Variants in CPED1 observed in about 807,000 individuals in gnomAD.
CPED1 encodes the protein cadherin like and PC-esterase domain containing 1.
Under a neutral mutation model 128.2 loss-of-function variants are expected in CPED1, and 114 were observed. That is an observed-to-expected ratio of 0.89 (90% CI 0.76 to 1.04). The LOEUF (loss-of-function observed/expected upper bound fraction) is 1.04. Ranked by LOEUF, CPED1 falls within the 50% of genes least tolerant of loss-of-function variation. CPED1 has a pLI of 0.00. For missense variants in CPED1, 1,211 were observed against 1,207.1 expected (o/e 1.00, Z -0.05); for synonymous variants, 462 against 426.7 (o/e 1.08, Z -1.02).
chr7:121,228,544 T>C lies in CPED1; in HGVS notation c.2056-8170T>C, dbSNP rs143106244. Among the ~76,000 whole-genome samples, 1,169 of 138,196 alleles carry C rather than the reference T, an allele frequency of 8.5e-3. 13 individuals are homozygous for C. Among genetic ancestry groups the C allele is most frequent in the South Asian group, 0.02 (89 of 4,452 alleles). The allele number at this position is 138,196 out of a possible 152,430, so 90.7% of individuals were successfully genotyped here. ...CTCTTATACACTCTTGGTGGGAATA[T>C]AAACTAGTACTGCTACTATGGACAA... is the stretch of plus-strand genomic sequence containing the variant. On this transcript the variant is annotated intron_variant, in intron 16 of 22. Coordinates refer to ENST00000310396, the MANE Select transcript of CPED1 (RefSeq NM_024913.5).
At chr7:121,254,631 CA>C (rs1798762945) in intron 18 of CPED1, among the ~76,000 whole-genome samples, 2 of 151,574 alleles carry the variant, frequency 1.3e-5, no homozygotes, top group South Asian at 4.2e-4. Context: ...GTCGGTTCTT[CA>C]AAAAGATAAG....
intron 16 of CPED1, among the ~76,000 whole-genome samples, chr7:121,228,849 G>T (rs1798076917): frequency 6.6e-6 from 1 of 151,970 alleles, no homozygotes; most frequent in Non-Finnish European, 1.5e-5. Flanking sequence ...GGAACTGGAG[G>T]TTATTATCTT....
chr7:121,293,117 C>A (rs1390363173), intron 22 of CPED1, among the ~76,000 whole-genome samples: 1 of 152,150 alleles, frequency 6.6e-6, no homozygotes, highest in Non-Finnish European at 1.5e-5. Context: ...AAGCTGCAAC[C>A]ACAGCTGCCC....
At chr7:121,126,683 A>G (rs1434118833) in intron 9 of CPED1, among the ~76,000 whole-genome samples, 1 of 152,098 alleles carries the variant, frequency 6.6e-6, no homozygotes, top group Non-Finnish European at 1.5e-5. Context: ...TTCTCCATAA[A>G]AATTTAAAAC....
chr7:121,047,095 A>G, intron 4 of CPED1, 102 bp downstream of exon 4: 1 of 677,772 alleles, frequency 1.5e-6, no homozygotes, highest in Middle Eastern at 2.5e-4. Context: ...AATTAGAGTC[A>G]TTGTATCTAT....
At chr7:121,160,996 TAAATC>T (rs1036942041) in intron 16 of CPED1, among the ~76,000 whole-genome samples, 13 of 152,138 alleles carry the variant, frequency 8.5e-5, no homozygotes, top group Non-Finnish European at 1.0e-4. Flanking sequence ...TCTCCCACCT[TAAATC>T]AAAAGGAAAA....
At position 121,136,059 on chromosome 7, in the gene CPED1, A is replaced by G. The variant is rs1367206480; in HGVS notation, c.1668A>G (p.Lys556=). ...TTTTAGCTGCAGTTCCACAAATTAA[A>G]AATGAAAATAAAGAAATACATTGCA... is the stretch of plus-strand genomic sequence containing the variant. ...ENKKAAVPQI[K]NENKEIHCSD... The change falls in exon 14 of 23, where the codon AAA becomes AAG. Residue 556 remains lysine (K), a synonymous_variant. Transcript: ENST00000310396. 1 of 1,545,862 alleles carries G rather than the reference A, an allele frequency of 6.5e-7. No individual in the cohort carries two copies. Among genetic ancestry groups the G allele is most frequent in the Non-Finnish European group, 8.7e-7 (1 of 1,154,858 alleles).
At chr7:121,059,226 T>C (rs1473718362) in intron 4 of CPED1, among the ~76,000 whole-genome samples, 1 of 152,190 alleles carries the variant, frequency 6.6e-6, no homozygotes, top group Non-Finnish European at 1.5e-5. Context: ...GATGCTGTTC[T>C]TAGTACATAG....
In CPED1 at chr7:121,224,590, A is replaced by G. The variant is rs1758589554; in HGVS notation, c.2056-12124A>G. The stretch of plus-strand genomic sequence containing the variant: ...AGTCTCCCATTATAATGGTATGGAA[A>G]TCTAAGTCTCTTTGTAGGTCACTAA... On this transcript the variant is annotated intron_variant, in intron 16 of 22. Coordinates refer to ENST00000310396, the MANE Select transcript of CPED1 (RefSeq NM_024913.5). Among the ~76,000 whole-genome samples, 3 of 152,064 alleles carry G rather than the reference A, an allele frequency of 2.0e-5. No individual in the cohort carries two copies. The South Asian group carries it at 6.2e-4, about 32-fold the overall frequency.
At chr7:121,097,171 G>C (rs191056184) in intron 5 of CPED1, among the ~76,000 whole-genome samples, 2 of 151,922 alleles carry the variant, frequency 1.3e-5, no homozygotes, top group Admixed American at 6.6e-5. Flanking sequence ...CATTATTATT[G>C]TTCTTTATTT....
chr7:121,074,979 A>G (rs1794085786), intron 5 of CPED1, among the ~76,000 whole-genome samples: 2 of 152,102 alleles, frequency 1.3e-5, no homozygotes, highest in African/African-American at 4.8e-5. Context: ...GGATTCATTT[A>G]TTTTAAAATG....
At chr7:121,091,975 A>G (rs1381308753) in intron 5 of CPED1, among the ~76,000 whole-genome samples, 1 of 152,176 alleles carries the variant, frequency 6.6e-6, no homozygotes, top group Non-Finnish European at 1.5e-5. Flanking sequence ...GGTAAAACAA[A>G]TGAACCCTAG....
intron 16 of CPED1, among the ~76,000 whole-genome samples, chr7:121,197,911 CA>C (rs962643606): frequency 6.6e-6 from 1 of 152,070 alleles, no homozygotes; most frequent in Non-Finnish European, 1.5e-5. Context: ...TAGATGAAAC[CA>C]AATTGTAAAC....
intron 4 of CPED1, among the ~76,000 whole-genome samples, chr7:121,055,961 G>T (rs1793489501): frequency 6.6e-6 from 1 of 151,846 alleles, no homozygotes; most frequent in Non-Finnish European, 1.5e-5. Flanking sequence ...ATTCTTTCTG[G>T]TCAGAGGATT....
chr7:121,158,707 A>G (rs1250114971), intron 16 of CPED1, among the ~76,000 whole-genome samples: 1 of 152,150 alleles, frequency 6.6e-6, no homozygotes, highest in Non-Finnish European at 1.5e-5. Context: ...GATATGGAAT[A>G]TTAACCATCT....
intron 16 of CPED1, among the ~76,000 whole-genome samples, chr7:121,184,854 G>A (rs1398194689): frequency 6.6e-6 from 1 of 152,118 alleles, no homozygotes; most frequent in African/African-American, 2.4e-5. Flanking sequence ...CAAACCTAGA[G>A]AAGGGAACAA....
chr7:121,236,714 G>T lies in CPED1; in HGVS notation c.2056G>T (p.Asp686Tyr), dbSNP rs1393738517. The change falls in exon 17 of 23, where the codon GAT (aspartate) becomes TAT (tyrosine). Residue 686 changes from aspartate (D) to tyrosine (Y), a missense_variant and splice_region_variant. By Grantham distance (160) the Asp-to-Tyr change is radical (BLOSUM62 -3). Transcript: ENST00000310396. Reference sequence around the variant, plus strand: ...ACTAATATCTATTATTTTAATGCAGGATTGTGGTTTGCTGATTCATCCAGA... The same window carrying T: ...ACTAATATCTATTATTTTAATGCAGTATTGTGGTTTGCTGATTCATCCAGA... ...EAFTACGFVQ[D>Y]CGLLIHPEET... 6.4e-7 allele frequency: 1 copy of T among 1,560,440 alleles called. No homozygotes were observed.
intron 5 of CPED1, among the ~76,000 whole-genome samples, chr7:121,090,975 A>G (rs961358244): frequency 1.3e-5 from 2 of 152,090 alleles, no homozygotes; most frequent in African/African-American, 4.8e-5. Flanking sequence ...AAAAAAAAGC[A>G]TAGAATTGTT....
intron 16 of CPED1, among the ~76,000 whole-genome samples, chr7:121,160,627 A>G (rs2116432944): frequency 6.6e-6 from 1 of 152,268 alleles, no homozygotes; most frequent in East Asian, 1.9e-4. Context: ...AAAGGGAGAA[A>G]GAGAGTGATG....
Sources: gnomAD v4.1 joint callset for allele counts (sites outside exome capture counted in the v4.1 genomes callset) on GRCh38, gnomAD v4.1.1 for gene constraint, MANE v1.5 for transcripts, NCBI Gene and HGNC (gene_info 2026-07-23, HGNC 2026-07-21) for gene names.